Variants in ROBO2 observed in about 807,000 individuals in gnomAD.
ROBO2 encodes roundabout guidance receptor 2.
A neutral mutation model predicts 160.8 loss-of-function variants in ROBO2; 53 were observed. That is an observed-to-expected ratio of 0.33 (90% CI 0.26 to 0.41). The LOEUF (loss-of-function observed/expected upper bound fraction) is 0.41. ROBO2 is among the 10% of genes least tolerant of loss of function. The pLI is 1.00. For synonymous variants in ROBO2, 664 were observed against 611.7 expected, an observed-to-expected ratio of 1.09 and a Z score of -1.26; for missense variants, 1,577 against 1,722.4, an observed-to-expected ratio of 0.92 and a Z score of 1.49.
At chr3:76,076,918 G>A (rs1241809272) in intron 2 of ROBO2, among the ~76,000 whole-genome samples, 2 of 152,124 alleles carry the variant, frequency 1.3e-5, no homozygotes, top group African/African-American at 2.4e-5. Context: ...TGTTGTTTTG[G>A]TCTTTTATGT....
In ROBO2 at chr3:76,840,286, T is replaced by C. The variant is rs193196263; in HGVS notation, c.110-257728T>C. Among the ~76,000 whole-genome samples, 785 of 152,142 alleles carry C rather than the reference T, an allele frequency of 5.2e-3. 9 individuals carry two copies. The highest frequency in any genetic ancestry group is 0.017 in the African/African-American group (722 of 41,498). On this transcript the variant is annotated intron_variant, in intron 2 of 26. Transcript: ENST00000487694. ...ATACATCATTAGAAAGGGGCTGATA[T>C]TTTATTCTATAGGCAATTGTTCTCA...
At chr3:76,558,831 A>G (rs1185129670) in intron 2 of ROBO2, among the ~76,000 whole-genome samples, 1 of 152,188 alleles carries the variant, frequency 6.6e-6, no homozygotes, top group Non-Finnish European at 1.5e-5. Context: ...TGAAAGAAAC[A>G]ACCTCTGGAG....
At chr3:77,612,196 C>A (rs763648308) in intron 21 of ROBO2, among the ~76,000 whole-genome samples, 9 of 152,178 alleles carry the variant, frequency 5.9e-5, no homozygotes, top group Non-Finnish European at 1.2e-4. Context: ...GCATTAGCAG[C>A]ATTTTCACAG....
intron 2 of ROBO2, among the ~76,000 whole-genome samples, chr3:76,412,024 A>T (rs1230092370): frequency 6.6e-6 from 1 of 152,192 alleles, no homozygotes; most frequent in African/African-American, 2.4e-5. Flanking sequence ...AAATGGTTTA[A>T]TTGGACTTAC....
chr3:76,498,686 T>TC (rs1344600239), intron 2 of ROBO2, among the ~76,000 whole-genome samples: 1 of 148,700 alleles, frequency 6.7e-6, no homozygotes, highest in Non-Finnish European at 1.5e-5. Context: ...TTGTCTGCTT[T>TC]TTTTTTTTTT....
intron 2 of ROBO2, among the ~76,000 whole-genome samples, chr3:76,325,107 A>C (rs2072904253): frequency 1.3e-5 from 2 of 152,384 alleles, no homozygotes; most frequent in South Asian, 4.1e-4. Context: ...TCCGTCTCAA[A>C]ACAAAAACAA....
At chr3:77,153,761 T>C (rs1037847383) in intron 2 of ROBO2, among the ~76,000 whole-genome samples, 1 of 152,146 alleles carries the variant, frequency 6.6e-6, no homozygotes, top group Non-Finnish European at 1.5e-5. Context: ...TAAATCCTTA[T>C]ATTCTGTCTT....
At chr3:76,289,822 G>T (rs942482652) in intron 2 of ROBO2, among the ~76,000 whole-genome samples, 3 of 151,958 alleles carry the variant, frequency 2.0e-5, no homozygotes, top group Non-Finnish European at 4.4e-5. Flanking sequence ...TTTATGTCTG[G>T]GTTCTCTAAC....
intron 2 of ROBO2, among the ~76,000 whole-genome samples, chr3:76,907,082 A>G (rs2075655790): frequency 6.6e-6 from 1 of 152,154 alleles, no homozygotes; most frequent in Non-Finnish European, 1.5e-5. Flanking sequence ...CCAAGTGTCT[A>G]TAATATTACC....
chr3:76,062,618 C>T (rs188893066), intron 2 of ROBO2, among the ~76,000 whole-genome samples: 194 of 152,178 alleles, frequency 1.3e-3, no homozygotes, highest in Non-Finnish European at 2.1e-3. Context: ...GTTCTAGATG[C>T]AAGGGAAATT....
intron 2 of ROBO2, among the ~76,000 whole-genome samples, chr3:76,206,557 A>T (rs1253440258): frequency 2.0e-5 from 3 of 151,456 alleles, no homozygotes; most frequent in African/African-American, 7.3e-5. Context: ...TGCTTGAGTG[A>T]TTTCCCTTAT....
At chr3:77,260,736 G>A (rs193217110) in intron 2 of ROBO2, among the ~76,000 whole-genome samples, 3 of 152,354 alleles carry the variant, frequency 2.0e-5, no homozygotes, top group East Asian at 3.9e-4. Context: ...TTCGATGACA[G>A]TAGGACTTGT....
chr3:76,313,111 T>C (rs6776413), intron 2 of ROBO2, among the ~76,000 whole-genome samples: 10,276 of 152,302 alleles, frequency 0.067, 421 homozygotes, highest in African/African-American at 0.12. Context: ...ATATTTCATA[T>C]TGTTAAAAGA....
chr3:77,270,091 A>C (rs988995774), intron 2 of ROBO2, among the ~76,000 whole-genome samples: 1 of 152,244 alleles, frequency 6.6e-6, no homozygotes, highest in Non-Finnish European at 1.5e-5. Flanking sequence ...ATTATGCCTT[A>C]TCCCAGTTCT....
chr3:76,607,553 A>G (rs779367029), intron 2 of ROBO2, among the ~76,000 whole-genome samples: 7 of 152,224 alleles, frequency 4.6e-5, no homozygotes, highest in Non-Finnish European at 8.8e-5. Flanking sequence ...ATTGAAATAT[A>G]CTTTCATAGA....
intron 2 of ROBO2, among the ~76,000 whole-genome samples, chr3:76,720,519 C>CA (rs1048422107): frequency 6.6e-6 from 1 of 151,926 alleles, no homozygotes; most frequent in Non-Finnish European, 1.5e-5. Flanking sequence ...ACAAAAACAA[C>CA]AAAAAAAGAG....
At chr3:77,157,938 T>G (rs1006814528) in intron 2 of ROBO2, among the ~76,000 whole-genome samples, 7 of 152,210 alleles carry the variant, frequency 4.6e-5, no homozygotes, top group Non-Finnish European at 7.4e-5. Flanking sequence ...TTGTCCCTTC[T>G]TTTAGCCTAG....
chr3:77,299,103 G>C (rs143728084), intron 2 of ROBO2, among the ~76,000 whole-genome samples: 3 of 152,230 alleles, frequency 2.0e-5, no homozygotes, highest in Non-Finnish European at 2.9e-5. Flanking sequence ...TAGAAAGAGG[G>C]AAAAAGAGAA....
chr3:77,330,209 G>A lies in ROBO2; in HGVS notation c.389-147205G>A, dbSNP rs2065842362. 2.0e-5 allele frequency among the ~76,000 whole-genome samples: 3 copies of A among 152,192 alleles called. No homozygotes were observed. The South Asian group carries it at 6.2e-4, about 32-fold the overall frequency. On this transcript the variant is annotated intron_variant, in intron 2 of 25. Transcript: ENST00000461745. Reference sequence around the variant, plus strand: ...TTTATGATTAATAATCTTTCAATATGTTGTTAAAGATTTTATTTATACTTG... The same window carrying A: ...TTTATGATTAATAATCTTTCAATATATTGTTAAAGATTTTATTTATACTTG...
Sources: gnomAD v4.1 joint callset for allele counts (sites outside exome capture counted in the v4.1 genomes callset) on GRCh38, gnomAD v4.1.1 for gene constraint, MANE v1.5 for transcripts, NCBI Gene and HGNC (gene_info 2026-07-23, HGNC 2026-07-21) for gene names.